Variants in RAB3GAP2 observed in about 807,000 individuals in gnomAD.
RAB3GAP2 encodes the protein RAB3 GTPase activating non-catalytic protein subunit 2, also known as rab3 GTPase-activating protein non-catalytic subunit.
In RAB3GAP2, 87 loss-of-function variants were observed where a neutral mutation model predicts 185.3. That is an observed-to-expected ratio of 0.47 (90% CI 0.39 to 0.56). RAB3GAP2 has a LOEUF of 0.56. Ranked by LOEUF, RAB3GAP2 falls within the 20% of genes least tolerant of loss-of-function variation. The pLI, the probability that RAB3GAP2 is intolerant of heterozygous loss-of-function variation, is 0.00. For missense variants in RAB3GAP2, 1,492 were observed against 1,638.2 expected, an observed-to-expected ratio of 0.91 and a Z score of 1.54; for synonymous variants, 554 against 576.1, an observed-to-expected ratio of 0.96 and a Z score of 0.55.
Position 220,240,649 on chromosome 1 carries a change from C to T in RAB3GAP2, c.116-7786G>A, listed in dbSNP as rs1659672561. 3.3e-5 allele frequency among the ~76,000 whole-genome samples: 5 copies of T among 152,016 alleles called. No homozygotes were observed. In the South Asian group the frequency reaches 1.0e-3, roughly 32 times the overall value. ...ATAAGATTAATAAGCTGATCTCCAACCAACTTACATGATATGAAGAGAAAT... is the reference window on the plus strand; with the variant it reads ...ATAAGATTAATAAGCTGATCTCCAATCAACTTACATGATATGAAGAGAAAT... On this transcript the variant is annotated intron_variant, in intron 1 of 34. Coordinates refer to ENST00000358951, the MANE Select transcript of RAB3GAP2 (RefSeq NM_012414.4).
chr1:220,214,124 A>T (rs1659138212), intron 2 of RAB3GAP2, 145 bp from the exon 3 acceptor site: 2 of 810,698 alleles, frequency 2.5e-6, no homozygotes, highest in East Asian at 5.4e-5. Flanking sequence ...ATTCCTTATC[A>T]AAACATGCCA....
At chr1:220,264,829 A>T (rs144999220) in intron 1 of RAB3GAP2, among the ~76,000 whole-genome samples, 2 of 152,194 alleles carry the variant, frequency 1.3e-5, no homozygotes, top group East Asian at 3.9e-4. Flanking sequence ...ACACTCCTTC[A>T]TTCTCTCCCA....
chr1:220,244,811 T>C (rs916231562), intron 1 of RAB3GAP2, among the ~76,000 whole-genome samples: 3 of 151,896 alleles, frequency 2.0e-5, no homozygotes, highest in African/African-American at 7.3e-5. Context: ...CCATCTCTCA[T>C]AAAAAATCAA....
In RAB3GAP2 at chr1:220,252,544, G is replaced by A. The variant is rs78315433; in HGVS notation, c.115+19679C>T. Among the ~76,000 whole-genome samples, 535 of 152,344 alleles carry A rather than the reference G, an allele frequency of 3.5e-3. 4 individuals are homozygous for A. The highest frequency in any genetic ancestry group is 9.7e-3 in the African/African-American group (403 of 41,582). The stretch of plus-strand genomic sequence containing the variant: ...ACAAACAGCTTGACCCAAAGAGAAC[G>A]AAGAAAAGTACGAGGGAGTGGAGGG... On this transcript the variant is annotated intron_variant, in intron 1 of 34. Transcript: ENST00000358951.
intron 21 of RAB3GAP2, among the ~76,000 whole-genome samples, chr1:220,177,725 C>A (rs1048780530): frequency 1.3e-5 from 2 of 151,862 alleles, no homozygotes; most frequent in African/African-American, 2.4e-5. Context: ...TCAGTGAATT[C>A]GTTGATAGAC....
chr1:220,156,467 T>C (rs1364801752), intron 31 of RAB3GAP2, among the ~76,000 whole-genome samples: 6 of 152,280 alleles, frequency 3.9e-5, no homozygotes, highest in Non-Finnish European at 7.4e-5. Flanking sequence ...CAATAGAATA[T>C]GTAAAAACAT....
intron 7 of RAB3GAP2, among the ~76,000 whole-genome samples, chr1:220,210,111 T>C (rs1659050815): frequency 6.6e-6 from 1 of 152,190 alleles, no homozygotes; most frequent in Non-Finnish European, 1.5e-5. Flanking sequence ...TGCCTTCCCA[T>C]TATTAAATTC....
intron 21 of RAB3GAP2, among the ~76,000 whole-genome samples, chr1:220,179,244 C>CAAAAAAAAAAAAAAAAAA (rs71169437): frequency 3.5e-5 from 2 of 56,834 alleles, no homozygotes; most frequent in Admixed American, 2.1e-4. Flanking sequence ...GAGACTGTCT[C>CAAAAAAAAAAAAAAAAAA]AAAAAAAAAA....
At chr1:220,272,200 G>A (rs760889901) in intron 1 of RAB3GAP2, 23 bp downstream of exon 1, 3 of 1,569,906 alleles carry the variant, frequency 1.9e-6, no homozygotes, top group Admixed American at 1.8e-5. Context: ...GGGAAGGAAG[G>A]GCGAGGCCAG....
At position 220,154,074 on chromosome 1, in the gene RAB3GAP2, C is replaced by A; in HGVS notation, c.3556-17G>T. On this transcript the variant is annotated splice_polypyrimidine_tract_variant and intron_variant, in intron 31 of 34. Coordinates refer to ENST00000358951, the MANE Select transcript of RAB3GAP2 (RefSeq NM_012414.4). ...ATTTTTTCCCTAAAAAGAAAGAGAGCAAGAAAACTGATGAGTGTGGATTAT... is the reference window on the plus strand; with the variant it reads ...ATTTTTTCCCTAAAAAGAAAGAGAGAAAGAAAACTGATGAGTGTGGATTAT... The A allele has an allele frequency of 6.2e-7, 1 of 1,612,366 alleles. No individual in the cohort carries two copies. The highest frequency in any genetic ancestry group is 8.5e-7 in the Non-Finnish European group (1 of 1,179,292).
chr1:220,156,065 C>T (rs1422213202), intron 31 of RAB3GAP2, among the ~76,000 whole-genome samples: 1 of 151,954 alleles, frequency 6.6e-6, no homozygotes, highest in Non-Finnish European at 1.5e-5. Context: ...ATTATCCTGC[C>T]TCAGCCTCCC....
intron 21 of RAB3GAP2, among the ~76,000 whole-genome samples, chr1:220,173,746 C>T (rs1229656103): frequency 6.6e-6 from 1 of 152,112 alleles, no homozygotes; most frequent in Non-Finnish European, 1.5e-5. Flanking sequence ...TGAGTTAGAA[C>T]TAAAATTGAC....
chr1:220,271,705 T>G (rs923252058), intron 1 of RAB3GAP2, among the ~76,000 whole-genome samples: 5 of 151,366 alleles, frequency 3.3e-5, no homozygotes, highest in Non-Finnish European at 7.4e-5. Context: ...AGGGAGAGTG[T>G]GGGGGGATGA....
At chr1:220,242,907 C>T (rs902950985) in intron 1 of RAB3GAP2, among the ~76,000 whole-genome samples, 1 of 152,186 alleles carries the variant, frequency 6.6e-6, no homozygotes, top group Non-Finnish European at 1.5e-5. Context: ...AATTGTCACA[C>T]ATCATATAAC....
intron 8 of RAB3GAP2, among the ~76,000 whole-genome samples, chr1:220,204,860 G>C (rs1658934133): frequency 6.6e-6 from 1 of 151,156 alleles, no homozygotes; most frequent in Non-Finnish European, 1.5e-5. Context: ...CCTTGCGATA[G>C]TTTGCTGAGA....
At position 220,167,341 on chromosome 1, in the gene RAB3GAP2, A is replaced by C. The variant is rs369145757; in HGVS notation, c.3039T>G (p.His1013Gln). ...FPCSLELDVL[H>Q]AHCCWEYVVQ... The stretch of plus-strand genomic sequence containing the variant: ...CAACGTACTCCCAGCAGCAATGTGC[A>C]TGCAAGACATCGAGCTCAAGGCTAC... The change falls in exon 26 of 35, where the codon CAT (histidine) becomes CAG (glutamine). Residue 1013 changes from histidine (H) to glutamine (Q), a missense_variant. By Grantham distance (24) the His-to-Gln change is conservative (BLOSUM62 0). Transcript: ENST00000358951. 10 of 1,614,228 alleles carry C rather than the reference A, an allele frequency of 6.2e-6. No individual in the cohort carries two copies. The highest frequency in any genetic ancestry group is 8.5e-7 in the Non-Finnish European group (1 of 1,180,032).
chr1:220,271,313 A>G (rs753773147), intron 1 of RAB3GAP2: 12 of 152,198 alleles, frequency 7.9e-5, no homozygotes, highest in Non-Finnish European at 1.3e-4. Context: ...GCGCTGTACT[A>G]CAAAGCCAAA....
At chr1:220,233,921 G>A (rs2102892355) in intron 1 of RAB3GAP2, among the ~76,000 whole-genome samples, 1 of 152,176 alleles carries the variant, frequency 6.6e-6, no homozygotes, top group South Asian at 2.1e-4. Flanking sequence ...GGCTGGTCTT[G>A]AACTCCTGAC....
chr1:220,180,347 CA>C (rs1458998289), intron 21 of RAB3GAP2, among the ~76,000 whole-genome samples: 4 of 151,624 alleles, frequency 2.6e-5, no homozygotes, highest in East Asian at 1.9e-4. Flanking sequence ...ACAAGATCAA[CA>C]AAAAAAGTTG....
Sources: gnomAD v4.1 joint callset for allele counts (sites outside exome capture counted in the v4.1 genomes callset) on GRCh38, gnomAD v4.1.1 for gene constraint, MANE v1.5 for transcripts, NCBI Gene and HGNC (gene_info 2026-07-23, HGNC 2026-07-21) for gene names.